Variants in NCAPH2 observed in about 807,000 individuals in gnomAD.
NCAPH2 encodes the protein non-SMC condensin II complex subunit H2, also known as condensin-2 complex subunit H2.
In NCAPH2, 56 loss-of-function variants were observed where a neutral mutation model predicts 88.6. That is an observed-to-expected ratio of 0.63 (90% CI 0.51 to 0.79). The LOEUF (loss-of-function observed/expected upper bound fraction) is 0.79, where lower values mean the gene tolerates loss of function less well. NCAPH2 is among the 30% of genes least tolerant of loss of function. NCAPH2 has a pLI of 0.00. For missense variants in NCAPH2, 794 were observed against 792.0 expected (o/e 1.00, Z -0.03); for synonymous variants, 378 against 313.6 (o/e 1.21, Z -2.17).
chr22:50,518,255 C>G lies in NCAPH2; in HGVS notation c.623C>G (p.Ser208Cys), dbSNP rs139219191. ...GMSPMEPAGV[S>C]PMPGTQKDTG... ...TCCCCCATGGAACCAGCGGGCGTTT[C>G]CCCCATGCCAGGGACCCAGAAGGGT... The change falls in exon 7 of 20, where the codon TCC (serine) becomes TGC (cysteine). Residue 208 changes from serine (S) to cysteine (C), a missense_variant. Around this residue, in one of 2 missense-constraint regions of NCAPH2, gnomAD observed 735 missense variants for 696.3 expected, o/e 1.06. Coordinates refer to ENST00000420993, the MANE Select transcript of NCAPH2 (RefSeq NM_152299.4). 6 of 1,613,280 alleles carry G rather than the reference C, an allele frequency of 3.7e-6. No individual in the cohort carries two copies. The African/African-American group carries it at 6.7e-5, about 18-fold the overall frequency.
At chr22:50,519,565 T>C (rs1391091566) in intron 9 of NCAPH2, 1 of 1,289,746 alleles carries the variant, frequency 7.8e-7, no homozygotes, top group Non-Finnish European at 9.8e-7. Flanking sequence ...CGTCCAAGGA[T>C]TTGAGCCCTG....
chr22:50,524,475 G>T lies in NCAPH2; in HGVS notation c.*1100G>T, dbSNP rs986790123. ...GCCAGAAGGGAAGGCCCAGGACAGT[G>T]CCTGGGCTGCCCCTGCGACTTGAGA... On this transcript the variant is annotated 3_prime_UTR_variant, in exon 20 of 20. Transcript: ENST00000420993. 1.0e-5 allele frequency: 16 copies of T among 1,525,956 alleles called. No homozygotes were observed. The African/African-American group carries it at 1.9e-4, about 18-fold the overall frequency. The allele number at this position is 1,525,956 out of a possible 1,614,324, so 94.5% of individuals were successfully genotyped here.
chr22:50,513,167 A>T (rs2068830622), intron 1 of NCAPH2, among the ~76,000 whole-genome samples: 3 of 152,394 alleles, frequency 2.0e-5, no homozygotes, highest in Admixed American at 2.0e-4. Flanking sequence ...ACTCTGAATG[A>T]TAGTGGTTCC....
intron 9 of NCAPH2, chr22:50,519,619 CCT>C: frequency 8.2e-7 from 1 of 1,222,112 alleles, no homozygotes; most frequent in African/African-American, 1.6e-5. Flanking sequence ...TGCCAAGGCG[CCT>C]CTCTGCAGTC....
chr22:50,513,602 T>C (rs1199144658), intron 1 of NCAPH2, among the ~76,000 whole-genome samples: 1 of 152,068 alleles, frequency 6.6e-6, no homozygotes, highest in Admixed American at 6.5e-5. Flanking sequence ...CTGCTAAAAG[T>C]ACAAAAAAAA....
chr22:50,522,491 C>T lies in NCAPH2; in HGVS notation c.1307-10C>T, dbSNP rs1197724766. The T allele has an allele frequency of 6.2e-7, 1 of 1,613,624 alleles. No individual in the cohort carries two copies. The highest frequency in any genetic ancestry group is 8.5e-7 in the Non-Finnish European group (1 of 1,180,002). The stretch of plus-strand genomic sequence containing the variant: ...GCCTGCGTGCTGTTCACTCTCCCAC[C>T]TCCCAGCAGATGACTTTCTAGAGCC... On this transcript the variant is annotated splice_polypyrimidine_tract_variant and intron_variant, in intron 15 of 19. Coordinates refer to ENST00000420993, the MANE Select transcript of NCAPH2 (RefSeq NM_152299.4).
Position 50,519,510 on chromosome 22 carries a change from T to C in NCAPH2, c.861+190T>C, listed in dbSNP as rs562443687. On this transcript the variant is annotated intron_variant, in intron 9 of 19. Coordinates refer to ENST00000420993, the MANE Select transcript of NCAPH2 (RefSeq NM_152299.4). ...TTTTGAAGAGCAGCTTCTGTGTTCC[T>C]CCCCTCTCTGAGCAGAACTGATGCT... 1.9e-4 allele frequency: 265 copies of C among 1,427,118 alleles called. 1 individual carries two copies. The Admixed American group carries it at 3.8e-3, about 21-fold the overall frequency. The allele number at this position is 1,427,118 out of a possible 1,614,324, so 88.4% of individuals were successfully genotyped here.
rs766655322 is a variant in NCAPH2 at position 50,519,297 on chromosome 22, A to C, written c.838A>C (p.Lys280Gln). Residue 280 changes from lysine (K) to glutamine (Q), a missense_variant, in exon 9 of 20, where the codon AAG (lysine) becomes CAG (glutamine). Physicochemically the swap from Lys to Gln is moderately conservative, Grantham distance 53. Transcript: ENST00000420993. ...ASAPKAALEP[K>Q]ESRSPQQSAA... Reference sequence around the variant, plus strand: ...GGCCCCCAAGGCCGCTCTGGAGCCCAAGGAGTCCAGGAGCCCGCAGCAGGT... The same window carrying C: ...GGCCCCCAAGGCCGCTCTGGAGCCCCAGGAGTCCAGGAGCCCGCAGCAGGT... 6 of 1,607,762 alleles carry C rather than the reference A, an allele frequency of 3.7e-6. No individual in the cohort carries two copies. The Admixed American group carries it at 6.8e-5, about 18-fold the overall frequency.
rs767252861 is a variant in NCAPH2 at position 50,524,235 on chromosome 22, G to C, written c.*860G>C. ...CGAACAGGCCTGTGATCAGCAGCCG[G>C]GTTCGAAGCCCAGGGCCCTGGGGCT... On this transcript the variant is annotated 3_prime_UTR_variant, in exon 20 of 20. Transcript: ENST00000420993. The C allele has an allele frequency of 1.9e-6, 3 of 1,607,010 alleles. No individual in the cohort carries two copies. Among genetic ancestry groups the C allele is most frequent in the Admixed American group, 1.7e-5 (1 of 60,002 alleles).
chr22:50,508,353 G>A lies in NCAPH2; in HGVS notation c.16G>A (p.Ala6Thr), dbSNP rs1484617146. Residue 6 changes from alanine to threonine, a missense_variant, in exon 1 of 20, where the codon GCG becomes ACG. Ala to Thr is a moderately conservative substitution (Grantham distance 58, BLOSUM62 0). Around this residue, in one of 2 missense-constraint regions of NCAPH2, gnomAD observed 59 missense variants for 95.7 expected, o/e 0.62. Transcript: ENST00000420993. MEDVE[A>T]RFAHLLQPIR... ...CCTCCCGGACATGGAGGACGTGGAG[G>A]CGCGCTTCGCCCACCTCTTGCAGCC... 6.7e-7 allele frequency: 1 copy of A among 1,483,496 alleles called. No homozygotes were observed. The highest frequency in any genetic ancestry group is 8.9e-7 in the Non-Finnish European group (1 of 1,120,944). 91.9% of individuals were successfully genotyped at this position (1,483,496 alleles called of 1,614,324 possible).
In NCAPH2 at chr22:50,524,368, G is replaced by A. The variant is rs759793876; in HGVS notation, c.*993G>A. ...AGGGAGGACCCGAGGCTTGAGCTGA[G>A]AGAGCCTGTGCCAAGCTGTGGGGCT... On this transcript the variant is annotated 3_prime_UTR_variant, in exon 20 of 20. Transcript: ENST00000420993. 1.9e-6 allele frequency: 3 copies of A among 1,602,594 alleles called. No homozygotes were observed. Among genetic ancestry groups the A allele is most frequent in the Non-Finnish European group, 8.5e-7 (1 of 1,179,932 alleles).
In NCAPH2 at chr22:50,522,501, A is replaced by T. The variant is rs1210291540; in HGVS notation, c.1307A>T (p.Asp436Val). The stretch of plus-strand genomic sequence containing the variant: ...TGTTCACTCTCCCACCTCCCAGCAG[A>T]TGACTTTCTAGAGCCTGAGGAGTAC... ...EDSLEDLGAA[D>V]DFLEPEEYME... The change falls in exon 16 of 20, where the codon GAT (aspartate) becomes GTT (valine). Residue 436 changes from aspartate (D) to valine (V), a missense_variant and splice_region_variant. By Grantham distance (152) the Asp-to-Val change is radical. Transcript: ENST00000420993. The T allele has an allele frequency of 6.2e-7, 1 of 1,613,472 alleles. No homozygotes were observed. Among genetic ancestry groups the T allele is most frequent in the East Asian group, 2.2e-5 (1 of 44,864 alleles).
At chr22:50,509,344 G>C (rs1213192989) in intron 1 of NCAPH2, among the ~76,000 whole-genome samples, 2 of 151,724 alleles carry the variant, frequency 1.3e-5, no homozygotes, top group Non-Finnish European at 2.9e-5. Context: ...TGGGTGTCAC[G>C]CAAACATCTC....
At chr22:50,513,604 C>CA (rs1267283521) in intron 1 of NCAPH2, among the ~76,000 whole-genome samples, 3 of 152,044 alleles carry the variant, frequency 2.0e-5, no homozygotes, top group Non-Finnish European at 4.4e-5. Context: ...GCTAAAAGTA[C>CA]AAAAAAAATT....
rs760283156 is a variant in NCAPH2 at position 50,517,075 on chromosome 22, G to A, written c.211-352G>A. 2.2e-4 allele frequency among the ~76,000 whole-genome samples: 34 copies of A among 152,192 alleles called. 1 individual carries two copies. Among genetic ancestry groups the A allele is most frequent in the Non-Finnish European group, 4.7e-4 (32 of 68,028 alleles). On this transcript the variant is annotated intron_variant, in intron 2 of 19. Coordinates refer to ENST00000420993, the MANE Select transcript of NCAPH2 (RefSeq NM_152299.4). The stretch of plus-strand genomic sequence containing the variant: ...CGGAGGAGCAGCAGGGCTGCAGGCC[G>A]TCGGCAGAGTGGGTGCCAAGCACGA...
intron 1 of NCAPH2, among the ~76,000 whole-genome samples, chr22:50,511,062 G>A (rs1329283406): frequency 1.3e-5 from 2 of 151,074 alleles, no homozygotes; most frequent in Non-Finnish European, 2.9e-5. Flanking sequence ...TAGCCAGGAT[G>A]GTCTCGATCT....
rs532979510 is a variant in NCAPH2 at position 50,519,129 on chromosome 22, C to T, written c.731-61C>T. On this transcript the variant is annotated intron_variant, in intron 8 of 19. Coordinates refer to ENST00000420993, the MANE Select transcript of NCAPH2 (RefSeq NM_152299.4). ...AGGGAGGAAGTAGCCATCAGGGTCC[C>T]TTTGGTGCCGTCTGGTCTCGGCACT... 2.8e-5 allele frequency: 41 copies of T among 1,463,084 alleles called. No individual in the cohort carries two copies. The South Asian group carries it at 4.9e-4, about 18-fold the overall frequency. 90.6% of individuals were successfully genotyped at this position (1,463,084 alleles called of 1,614,324 possible). A position where few individuals can be genotyped will look rare whatever the true frequency, so the allele number is the denominator to read the frequency against.
chr22:50,517,549 A>G (rs774108172), intron 3 of NCAPH2, 28 bp from the exon 4 acceptor site: 4 of 1,614,050 alleles, frequency 2.5e-6, no homozygotes, highest in East Asian at 2.2e-5. Flanking sequence ...AGCTCCTGGG[A>G]TGCCCACGGG....
Position 50,522,588 on chromosome 22 carries a change from AGGAGTGCTGAG to A in NCAPH2, c.1375+22_1375+32del. The A allele has an allele frequency of 6.2e-7, 1 of 1,613,526 alleles. No individual in the cohort carries two copies. The highest frequency in any genetic ancestry group is 8.5e-7 in the Non-Finnish European group (1 of 1,179,936). ...GACCTTGGTAGGTGGGCAGCGGGCT[AGGAGTGCTGAG>A]GGGCCACTGGAGCTGGGGGCAGGGG... On this transcript the variant is annotated intron_variant, in intron 16 of 19. Transcript: ENST00000420993.
Sources: allele counts gnomAD v4.1 joint callset (sites outside exome capture counted in the v4.1 genomes callset), GRCh38; gene constraint gnomAD v4.1.1; regional missense constraint gnomAD v4.1.1; transcripts MANE v1.5; gene names NCBI Gene and HGNC (gene_info 2026-07-23, HGNC 2026-07-21).